The following NAALADL2 variants were observed in gnomAD, a reference collection of about 807,000 sequenced individuals.
The protein encoded by NAALADL2 is N-acetylated alpha-linked acidic dipeptidase like 2, also known as inactive N-acetylated-alpha-linked acidic dipeptidase-like protein 2.
A neutral mutation model predicts 87.2 loss-of-function variants in NAALADL2; 76 were observed. The ratio of observed to expected loss-of-function variants is 0.87; its 90% CI spans 0.72 to 1.05. The LOEUF (loss-of-function observed/expected upper bound fraction) is 1.05, where lower values mean the gene tolerates loss of function less well. NAALADL2 is among the 50% of genes least tolerant of loss of function. The probability of loss-of-function intolerance (pLI) is 0.00; values close to 1 mark genes in which losing one functional copy is unlikely to be tolerated. For missense variants in NAALADL2, 1,089 were observed against 945.8 expected (o/e 1.15, Z -1.99); for synonymous variants, 354 against 331.0 (o/e 1.07, Z -0.75).
At chr3:175,646,072 T>C (rs757385737) in intron 11 of NAALADL2, among the ~76,000 whole-genome samples, 1 of 152,146 alleles carries the variant, frequency 6.6e-6, no homozygotes, top group Non-Finnish European at 1.5e-5. Flanking sequence ...AGCTTAAGAT[T>C]AATTCATATG....
intron 1 of NAALADL2, among the ~76,000 whole-genome samples, chr3:174,977,009 T>C (rs536657677): frequency 1.7e-4 from 26 of 152,290 alleles, no homozygotes; most frequent in African/African-American, 5.8e-4. Flanking sequence ...AATTATATTC[T>C]GGAGATCAAG....
At chr3:175,798,696 T>G (rs374316014) in intron 13 of NAALADL2, among the ~76,000 whole-genome samples, 2 of 152,152 alleles carry the variant, frequency 1.3e-5, no homozygotes, top group Non-Finnish European at 1.5e-5. Context: ...ACCTGAACAT[T>G]TTTTTAGGAT....
chr3:175,210,329 A>T (rs1270811193), intron 2 of NAALADL2, among the ~76,000 whole-genome samples: 2 of 151,930 alleles, frequency 1.3e-5, no homozygotes, highest in Admixed American at 6.6e-5. Flanking sequence ...AAAAAGAAAC[A>T]TTCCATGTGA....
chr3:174,603,675 T>A (rs1718680706), intron 2 of NAALADL2, among the ~76,000 whole-genome samples: 1 of 152,050 alleles, frequency 6.6e-6, no homozygotes, highest in Non-Finnish European at 1.5e-5. Flanking sequence ...GTTAGGTTGT[T>A]TATTTGAAGT....
At chr3:174,828,332 G>A (rs1284743340) in intron 3 of NAALADL2, among the ~76,000 whole-genome samples, 1 of 152,174 alleles carries the variant, frequency 6.6e-6, no homozygotes, top group African/African-American at 2.4e-5. Context: ...AGTATCATTG[G>A]TCCTATGAAG....
intron 3 of NAALADL2, among the ~76,000 whole-genome samples, chr3:174,773,645 T>C (rs1028245680): frequency 6.6e-6 from 1 of 152,138 alleles, no homozygotes; most frequent in Admixed American, 6.5e-5. Flanking sequence ...ATATCAAATA[T>C]TTCCAGGAGT....
intron 2 of NAALADL2, among the ~76,000 whole-genome samples, chr3:175,208,563 C>G (rs926173832): frequency 6.6e-6 from 1 of 152,062 alleles, no homozygotes; most frequent in Non-Finnish European, 1.5e-5. Context: ...AACTCTGTTA[C>G]GAAGTGGATT....
intron 4 of NAALADL2, among the ~76,000 whole-genome samples, chr3:175,287,663 A>C (rs561296148): frequency 6.6e-6 from 1 of 152,310 alleles, no homozygotes; most frequent in East Asian, 1.9e-4. Flanking sequence ...GATAGAGCTA[A>C]AAGTTTATCC....
At chr3:174,583,301 T>C (rs1204508577) in intron 2 of NAALADL2, among the ~76,000 whole-genome samples, 2 of 152,224 alleles carry the variant, frequency 1.3e-5, no homozygotes, top group Non-Finnish European at 1.5e-5. Flanking sequence ...TTCTTTAAAT[T>C]TTGAATAATC....
In NAALADL2 at chr3:175,803,211, C is replaced by G. The variant is rs1355042224; in HGVS notation, c.*8C>G. The G allele has an allele frequency of 3.8e-6, 6 of 1,577,832 alleles. No homozygotes were observed. Among genetic ancestry groups the G allele is most frequent in the Non-Finnish European group, 5.2e-6 (6 of 1,160,878 alleles). On this transcript the variant is annotated 3_prime_UTR_variant, in exon 14 of 14. Transcript: ENST00000454872. ...TTGGATGGGAAGAATTGAGAAAACT[C>G]TGAGCATTTTTAAAAGTTTGTTTAC... is the stretch of plus-strand genomic sequence containing the variant.
chr3:174,938,759 C>A (rs187151223), intron 1 of NAALADL2, among the ~76,000 whole-genome samples: 24 of 152,228 alleles, frequency 1.6e-4, no homozygotes, highest in African/African-American at 5.3e-4. Flanking sequence ...ATTTTCATTT[C>A]TCTAATGATT....
intron 11 of NAALADL2, among the ~76,000 whole-genome samples, chr3:175,732,434 A>T (rs954517363): frequency 5.3e-5 from 8 of 152,204 alleles, no homozygotes; most frequent in African/African-American, 1.9e-4. Context: ...TAATTTGTAA[A>T]TGATTCTCTT....
chr3:175,227,012 A>C (rs974689826), intron 2 of NAALADL2, among the ~76,000 whole-genome samples: 1 of 152,096 alleles, frequency 6.6e-6, no homozygotes, highest in Admixed American at 6.6e-5. Context: ...ACTTTTTAAT[A>C]CTATATTAGA....
At chr3:175,134,337 A>G (rs1012641054) in intron 2 of NAALADL2, among the ~76,000 whole-genome samples, 1 of 152,216 alleles carries the variant, frequency 6.6e-6, no homozygotes, top group Non-Finnish European at 1.5e-5. Context: ...TTATTTGTGC[A>G]CGTTTCTATT....
At chr3:175,464,125 C>G (rs1179268818) in intron 7 of NAALADL2, among the ~76,000 whole-genome samples, 2 of 152,080 alleles carry the variant, frequency 1.3e-5, no homozygotes. Context: ...GGTGAGCCAG[C>G]ATGCCTGGCT....
chr3:175,423,052 T>TA (rs1491115866), intron 5 of NAALADL2, among the ~76,000 whole-genome samples: 1,191 of 98,144 alleles, frequency 0.012, 4 homozygotes, highest in East Asian at 0.032. Context: ...TATATATATA[T>TA]TTTTTTTTTT....
At chr3:175,038,689 G>A (rs1204414461) in intron 1 of NAALADL2, among the ~76,000 whole-genome samples, 1 of 152,036 alleles carries the variant, frequency 6.6e-6, no homozygotes, top group African/African-American at 2.4e-5. Context: ...TTAAAATAAA[G>A]TCATTGGTCC....
At chr3:174,632,933 C>CAAAAAAAAAAAAAAAA (rs56809226) in intron 2 of NAALADL2, among the ~76,000 whole-genome samples, 1 of 63,776 alleles carries the variant, frequency 1.6e-5, no homozygotes, top group African/African-American at 5.4e-5. Context: ...GACTCTGTCT[C>CAAAAAAAAAAAAAAAA]AAAAAAAAAA....
chr3:174,588,349 G>A (rs931414509), intron 2 of NAALADL2, among the ~76,000 whole-genome samples: 27 of 152,118 alleles, frequency 1.8e-4, no homozygotes, highest in African/African-American at 2.4e-4. Context: ...TGTTATTACC[G>A]ATCGTCTGAA....
Sources: allele counts gnomAD v4.1 joint callset (sites outside exome capture counted in the v4.1 genomes callset), GRCh38; gene constraint gnomAD v4.1.1; transcripts MANE v1.5; gene names NCBI Gene and HGNC (gene_info 2026-07-23, HGNC 2026-07-21).